The following LPP variants were observed in gnomAD, a reference collection of about 807,000 sequenced individuals.
LPP encodes the protein lipoma-preferred partner.
A neutral mutation model predicts 60.4 loss-of-function variants in LPP; 38 were observed. The ratio of observed to expected loss-of-function variants is 0.63; its 90% CI spans 0.49 to 0.83. LPP has a LOEUF of 0.83. Among genes scored for constraint, LPP ranks in the 40% least tolerant of loss-of-function variants. The pLI is 0.00. For synonymous variants in LPP, 328 were observed against 290.8 expected (o/e 1.13, Z -1.30); for missense variants, 902 against 783.6 (o/e 1.15, Z -1.80).
intron 9 of LPP, among the ~76,000 whole-genome samples, chr3:188,844,383 G>A (rs903392520): frequency 6.6e-6 from 1 of 152,182 alleles, no homozygotes; most frequent in East Asian, 1.9e-4. Flanking sequence ...AATACATAGA[G>A]GAAAGGCCTT....
At position 188,742,437 on chromosome 3, in the gene LPP, A is replaced by G. The variant is rs79422164; in HGVS notation, c.1241-17676A>G. Among the ~76,000 whole-genome samples, 576 of 152,274 alleles carry G rather than the reference A, an allele frequency of 3.8e-3. 3 individuals carry two copies. The highest frequency in any genetic ancestry group is 0.013 in the African/African-American group (545 of 41,568). On this transcript the variant is annotated intron_variant, in intron 8 of 11. Coordinates refer to ENST00000617246, the MANE Select transcript of LPP (RefSeq NM_001375462.1). The stretch of plus-strand genomic sequence containing the variant: ...AGGACAAATTATGCTATATTTATAC[A>G]ATGAAAGATGACTCATCGGTAATAA...
chr3:188,414,888 G>A (rs1197296883), intron 4 of LPP, among the ~76,000 whole-genome samples: 4 of 152,072 alleles, frequency 2.6e-5, no homozygotes, highest in African/African-American at 9.7e-5. Flanking sequence ...GACACGTTTT[G>A]GGGGACTTGT....
intron 7 of LPP, among the ~76,000 whole-genome samples, chr3:188,671,750 G>GA (rs1394075130): frequency 6.6e-6 from 1 of 152,062 alleles, no homozygotes; most frequent in Non-Finnish European, 1.5e-5. Context: ...TGAAAACTAT[G>GA]AGTCTGTTTC....
intron 9 of LPP, among the ~76,000 whole-genome samples, chr3:188,853,011 A>C (rs1007358817): frequency 5.3e-5 from 8 of 152,066 alleles, no homozygotes; most frequent in Non-Finnish European, 1.2e-4. Flanking sequence ...ATTGGTGAGC[A>C]CAGTGTCGGG....
At chr3:188,200,929 GTTTA>G (rs1730914732) in intron 1 of LPP, among the ~76,000 whole-genome samples, 1 of 151,998 alleles carries the variant, frequency 6.6e-6, no homozygotes, top group Non-Finnish European at 1.5e-5. Flanking sequence ...TTTAATATTT[GTTTA>G]TTTATGTAAA....
At chr3:188,538,656 G>A (rs1824308266) in intron 6 of LPP, among the ~76,000 whole-genome samples, 1 of 152,166 alleles carries the variant, frequency 6.6e-6, no homozygotes, top group Non-Finnish European at 1.5e-5. Context: ...GTTACCACAT[G>A]ACCAAGCAAT....
intron 8 of LPP, among the ~76,000 whole-genome samples, chr3:188,758,578 TG>T (rs1165789072): frequency 1.3e-5 from 2 of 152,242 alleles, no homozygotes; most frequent in Non-Finnish European, 2.9e-5. Flanking sequence ...CAAATACAAC[TG>T]GAGAGGATTA....
chr3:188,751,386 TAGC>T (rs1439631706), intron 8 of LPP, among the ~76,000 whole-genome samples: 1 of 152,218 alleles, frequency 6.6e-6, no homozygotes, highest in African/African-American at 2.4e-5. Flanking sequence ...ATTTTTCTGT[TAGC>T]AGATCAATCA....
intron 5 of LPP, among the ~76,000 whole-genome samples, chr3:188,513,545 A>G (rs1816453982): frequency 6.6e-6 from 1 of 151,962 alleles, no homozygotes; most frequent in African/African-American, 2.4e-5. Context: ...ATTGATGAAT[A>G]GATAATATAT....
intron 2 of LPP, among the ~76,000 whole-genome samples, chr3:188,305,375 A>G (rs980059860): frequency 6.6e-6 from 1 of 152,198 alleles, no homozygotes; most frequent in Non-Finnish European, 1.5e-5. Context: ...ATAAAAAAGT[A>G]AATAAAACAT....
At chr3:188,403,787 C>T (rs1445345415) in intron 3 of LPP, among the ~76,000 whole-genome samples, 1 of 152,028 alleles carries the variant, frequency 6.6e-6, no homozygotes, top group African/African-American at 2.4e-5. Context: ...TGTGCTAGGC[C>T]TTAATGGTAG....
chr3:188,165,490 G>A (rs1404739528), intron 1 of LPP, among the ~76,000 whole-genome samples: 1 of 152,124 alleles, frequency 6.6e-6, no homozygotes, highest in Non-Finnish European at 1.5e-5. Context: ...GAGTCATGAA[G>A]GTGGACTGCA....
intron 1 of LPP, among the ~76,000 whole-genome samples, chr3:188,166,746 T>C (rs1450925457): frequency 6.6e-6 from 1 of 152,222 alleles, no homozygotes; most frequent in Non-Finnish European, 1.5e-5. Context: ...TTGTTCATAT[T>C]CATATCCACA....
At chr3:188,268,845 A>G (rs568208335) in intron 2 of LPP, among the ~76,000 whole-genome samples, 1 of 152,318 alleles carries the variant, frequency 6.6e-6, no homozygotes, top group East Asian at 1.9e-4. Flanking sequence ...CATATATTTC[A>G]AATGTTACTA....
rs1436802853 is a variant in LPP at position 188,557,203 on chromosome 3, C to G, written c.429+32416C>G. 3.3e-5 allele frequency among the ~76,000 whole-genome samples: 5 copies of G among 152,022 alleles called. No homozygotes were observed. The East Asian group carries it at 9.7e-4, about 29-fold the overall frequency. On this transcript the variant is annotated intron_variant, in intron 6 of 11. Coordinates refer to ENST00000617246, the MANE Select transcript of LPP (RefSeq NM_001375462.1). ...GTGCCTTTAACATCTTCAGACGTGC[C>G]TTCATGCGTTACAAAAAAAAAGATG... is the stretch of plus-strand genomic sequence containing the variant.
At chr3:188,327,597 C>T (rs1758797861) in intron 2 of LPP, among the ~76,000 whole-genome samples, 1 of 152,186 alleles carries the variant, frequency 6.6e-6, no homozygotes, top group South Asian at 2.1e-4. Flanking sequence ...CCATGGAAGG[C>T]ACACAGTGAG....
intron 8 of LPP, among the ~76,000 whole-genome samples, chr3:188,717,161 G>A (rs1456407658): frequency 1.3e-5 from 2 of 152,206 alleles, no homozygotes; most frequent in South Asian, 4.1e-4. Flanking sequence ...TTGCCCTGGG[G>A]CACAGGCCTA....
At chr3:188,225,091 G>A (rs1006153311) in intron 1 of LPP, among the ~76,000 whole-genome samples, 1 of 152,076 alleles carries the variant, frequency 6.6e-6, no homozygotes, top group Non-Finnish European at 1.5e-5. Flanking sequence ...GTATAGTTTA[G>A]GTTTATCTGT....
chr3:188,679,605 T>C (rs1162349740), intron 7 of LPP, among the ~76,000 whole-genome samples: 1 of 151,808 alleles, frequency 6.6e-6, no homozygotes, highest in African/African-American at 2.4e-5. Context: ...ATTTGACCAC[T>C]ATGAGGAACT....
Sources: allele counts gnomAD v4.1 joint callset (sites outside exome capture counted in the v4.1 genomes callset), GRCh38; gene constraint gnomAD v4.1.1; transcripts MANE v1.5; gene names NCBI Gene and HGNC (gene_info 2026-07-23, HGNC 2026-07-21).